The following DPY19L1 variants were observed in gnomAD, a reference collection of about 807,000 sequenced individuals.
DPY19L1 encodes dpy-19 like C-mannosyltransferase 1, also known as protein C-mannosyl-transferase DPY19L1.
In DPY19L1, 35 loss-of-function variants were observed where a neutral mutation model predicts 96.9. The observed-to-expected ratio is 0.36, with a 90% CI of 0.28 to 0.48. The LOEUF is 0.48. Among genes scored for constraint, DPY19L1 ranks in the 20% least tolerant of loss-of-function variants. DPY19L1 has a pLI of 0.99. For missense variants in DPY19L1, 521 were observed against 777.9 expected (o/e 0.67, Z 3.93); for synonymous variants, 205 against 252.6 (o/e 0.81, Z 1.79).
chr7:35,018,505 T>C (rs1314924339), intron 2 of DPY19L1, 67 bp downstream of exon 2: 3 of 1,380,238 alleles, frequency 2.2e-6, no homozygotes, highest in Non-Finnish European at 2.0e-6. Flanking sequence ...TTTAAATGTA[T>C]GGGAAATAGC....
At chr7:34,962,057 GC>G (rs1784511778) in intron 10 of DPY19L1, among the ~76,000 whole-genome samples, 2 of 152,072 alleles carry the variant, frequency 1.3e-5, no homozygotes, top group Non-Finnish European at 2.9e-5. Context: ...TAAAAACTAA[GC>G]ATACTCTCAC....
At chr7:34,944,376 A>G (rs1490793026) in intron 16 of DPY19L1, among the ~76,000 whole-genome samples, 3 of 150,632 alleles carry the variant, frequency 2.0e-5, no homozygotes, top group Non-Finnish European at 3.0e-5. Context: ...AAAAAAAAAA[A>G]AAAAAAAAGA....
chr7:34,963,639 G>A (rs1165736438), intron 10 of DPY19L1, among the ~76,000 whole-genome samples: 1 of 151,902 alleles, frequency 6.6e-6, no homozygotes, highest in African/African-American at 2.4e-5. Context: ...GTGTGCACAC[G>A]TGTGTACACA....
chr7:34,940,222 T>C lies in DPY19L1; in HGVS notation c.1795A>G (p.Ile599Val). The C allele has an allele frequency of 1.2e-6, 2 of 1,611,712 alleles. No individual in the cohort carries two copies. The highest frequency in any genetic ancestry group is 1.7e-6 in the Non-Finnish European group (2 of 1,179,496). The part of the protein sequence containing the change: ...GSANLQTQWN[I>V]VGEFSNLPQE... ...GGCAAATTGCTGAACTCCCCTACAA[T>C]ATTCCACTGGGTTTGCAGATTTGCT... The change falls in exon 19 of 22, where the codon ATT becomes GTT. Residue 599 changes from isoleucine to valine, a missense_variant. Transcript: ENST00000638088.
intron 6 of DPY19L1, among the ~76,000 whole-genome samples, chr7:35,004,228 G>A (rs1419432609): frequency 1.3e-5 from 2 of 152,244 alleles, no homozygotes; most frequent in South Asian, 2.1e-4. Context: ...GCTCAGCTGC[G>A]CTCCTGACAG....
rs371431715 is a variant in DPY19L1 at position 35,022,367 on chromosome 7, A to G, written c.299-3771T>C. 9.4e-4 allele frequency among the ~76,000 whole-genome samples: 144 copies of G among 152,388 alleles called. 1 individual carries two copies. In the East Asian group the frequency reaches 0.021, roughly 22 times the overall value. ...CAAAAAATCACAATCCTTATGGCTA[A>G]GAATTTTGTAAGGTTCATAATTTTG... On this transcript the variant is annotated intron_variant, in intron 1 of 21. Transcript: ENST00000638088.
chr7:34,936,859 C>G (rs1030032906), intron 21 of DPY19L1, among the ~76,000 whole-genome samples: 2 of 152,270 alleles, frequency 1.3e-5, no homozygotes, highest in Admixed American at 1.3e-4. Flanking sequence ...CAGTATTTAA[C>G]AATGTTGTCT....
At chr7:34,957,782 T>G (rs1371775581) in intron 11 of DPY19L1, among the ~76,000 whole-genome samples, 1 of 151,364 alleles carries the variant, frequency 6.6e-6, no homozygotes, top group East Asian at 1.9e-4. Flanking sequence ...CATAGAAACT[T>G]TTCTGAAATG....
chr7:34,946,881 G>GT (rs1242844108), intron 15 of DPY19L1, among the ~76,000 whole-genome samples: 1 of 152,226 alleles, frequency 6.6e-6, no homozygotes, highest in Admixed American at 6.5e-5. Flanking sequence ...ATGTGAAAAT[G>GT]TTCTATACAA....
Position 34,930,194 on chromosome 7 carries a change from G to C in DPY19L1, c.*1379C>G, listed in dbSNP as rs1270756971. 1.3e-5 allele frequency: 2 copies of C among 152,202 alleles called. No individual in the cohort carries two copies. The highest frequency in any genetic ancestry group is 4.8e-5 in the African/African-American group (2 of 41,448). 9.4% of individuals were successfully genotyped at this position (152,202 alleles called of 1,614,324 possible). On this transcript the variant is annotated 3_prime_UTR_variant, in exon 22 of 22. Coordinates refer to ENST00000638088, the MANE Select transcript of DPY19L1 (RefSeq NM_001366673.1). ...GAGAAGCTGTATAATTAAATGTGTA[G>C]TCTGTCAGCCATAGTCACGCTTTGC... is the stretch of plus-strand genomic sequence containing the variant.
At chr7:34,971,243 G>C (rs1241283593) in intron 8 of DPY19L1, among the ~76,000 whole-genome samples, 1 of 152,178 alleles carries the variant, frequency 6.6e-6, no homozygotes, top group Non-Finnish European at 1.5e-5. Flanking sequence ...GGCCAATAGA[G>C]AGAAGGTTAC....
chr7:35,010,990 A>G (rs909778113), intron 5 of DPY19L1, among the ~76,000 whole-genome samples: 1 of 152,190 alleles, frequency 6.6e-6, no homozygotes, highest in Non-Finnish European at 1.5e-5. Flanking sequence ...AAAAAGCCCA[A>G]GTCACCCCGA....
intron 1 of DPY19L1, among the ~76,000 whole-genome samples, chr7:35,034,038 T>A (rs977485325): frequency 6.6e-6 from 1 of 151,986 alleles, no homozygotes. Flanking sequence ...AGGAACCAGG[T>A]TATAGCAGGT....
At chr7:34,943,019 A>G (rs1418230401) in intron 16 of DPY19L1, among the ~76,000 whole-genome samples, 1 of 152,218 alleles carries the variant, frequency 6.6e-6, no homozygotes, top group Admixed American at 6.5e-5. Flanking sequence ...TGTAAATCTG[A>G]GTTCAAGGGA....
chr7:34,953,334 T>C (rs1232218806), intron 13 of DPY19L1, among the ~76,000 whole-genome samples: 1 of 152,220 alleles, frequency 6.6e-6, no homozygotes, highest in Non-Finnish European at 1.5e-5. Context: ...TTTTAGGCTA[T>C]GACAGAAAAT....
At chr7:34,956,199 T>G (rs1343146874) in intron 11 of DPY19L1, among the ~76,000 whole-genome samples, 1 of 152,204 alleles carries the variant, frequency 6.6e-6, no homozygotes, top group Non-Finnish European at 1.5e-5. Context: ...GTATGTAATA[T>G]TCGATTCAAT....
At chr7:35,018,843 TAGAC>T (rs767686858) in intron 1 of DPY19L1, among the ~76,000 whole-genome samples, 13 of 151,964 alleles carry the variant, frequency 8.6e-5, no homozygotes, top group Non-Finnish European at 4.4e-5. Flanking sequence ...TATCCGCTAA[TAGAC>T]AGAAACCATT....
intron 7 of DPY19L1, among the ~76,000 whole-genome samples, chr7:34,984,316 C>G (rs757917621): frequency 1.6e-4 from 24 of 152,146 alleles, no homozygotes; most frequent in South Asian, 4.2e-4. Flanking sequence ...TAATTAGGCA[C>G]ACGTCAAGAT....
At chr7:34,939,134 T>G in intron 20 of DPY19L1, 142 bp downstream of exon 20, 1 of 698,064 alleles carries the variant, frequency 1.4e-6, no homozygotes, top group South Asian at 2.3e-5. Context: ...AGCGGTCTTA[T>G]TTCAGCTTTC....
Sources: gnomAD v4.1 joint callset for allele counts (sites outside exome capture counted in the v4.1 genomes callset) on GRCh38, gnomAD v4.1.1 for gene constraint, MANE v1.5 for transcripts, NCBI Gene and HGNC (gene_info 2026-07-23, HGNC 2026-07-21) for gene names.